CCDC102B: variants seen among roughly 807,000 people sequenced by gnomAD.
The protein encoded by CCDC102B is coiled-coil domain-containing protein 102B.
Under a neutral mutation model 57.4 loss-of-function variants are expected in CCDC102B, and 75 were observed. The ratio of observed to expected loss-of-function variants is 1.31; its 90% CI spans 1.08 to 1.58. The LOEUF (loss-of-function observed/expected upper bound fraction) is 1.58, where lower values mean the gene tolerates loss of function less well. Ranked by LOEUF, CCDC102B falls within the 40% of genes most tolerant of loss-of-function variation. The probability of loss-of-function intolerance (pLI) is 0.00; values close to 1 mark genes in which losing one functional copy is unlikely to be tolerated. For synonymous variants in CCDC102B, 206 were observed against 201.9 expected, an observed-to-expected ratio of 1.02 and a Z score of -0.17; for missense variants, 636 against 582.6, an observed-to-expected ratio of 1.09 and a Z score of -0.94.
At chr18:69,001,128 C>T (rs1442085575) in intron 6 of CCDC102B, among the ~76,000 whole-genome samples, 1 of 152,100 alleles carries the variant, frequency 6.6e-6, no homozygotes, top group Non-Finnish European at 1.5e-5. Context: ...GCTATTTCTG[C>T]CCAGAGAGAC....
At chr18:69,000,246 A>T (rs931461436) in intron 6 of CCDC102B, among the ~76,000 whole-genome samples, 1 of 152,238 alleles carries the variant, frequency 6.6e-6, no homozygotes, top group Admixed American at 6.5e-5. Flanking sequence ...TTTATCAGAC[A>T]TTAAAAAAAT....
In CCDC102B at chr18:68,993,906, A is replaced by G. The variant is rs561425763; in HGVS notation, c.1264-17028A>G. 5.9e-5 allele frequency among the ~76,000 whole-genome samples: 9 copies of G among 152,344 alleles called. No homozygotes were observed. In the South Asian group the frequency reaches 1.9e-3, roughly 32 times the overall value. ...ACTTACCTTCCCATAGTGTACGCCT[A>G]CACTGTGGTTGGTATCTGCTTAAAT... On this transcript the variant is annotated intron_variant, in intron 6 of 7. Coordinates refer to ENST00000360242, the MANE Select transcript of CCDC102B (RefSeq NM_024781.3).
chr18:69,011,486 ATAT>A (rs2051516514), intron 7 of CCDC102B, among the ~76,000 whole-genome samples: 1 of 151,738 alleles, frequency 6.6e-6, no homozygotes, highest in Non-Finnish European at 1.5e-5. Flanking sequence ...TATTTATTAT[ATAT>A]TTTCAGTGTT....
intron 5 of CCDC102B, among the ~76,000 whole-genome samples, chr18:68,889,465 G>A (rs1599640264): frequency 1.3e-5 from 2 of 152,108 alleles, no homozygotes; most frequent in East Asian, 3.8e-4. Flanking sequence ...TGTTGTCCAG[G>A]CTGGAGTGCA....
intron 2 of CCDC102B, chr18:68,753,862 A>G (rs2033951866): frequency 6.6e-6 from 1 of 152,162 alleles, no homozygotes; most frequent in South Asian, 2.1e-4. Flanking sequence ...ACACCCATCC[A>G]GTATTATCTT....
intron 7 of CCDC102B, among the ~76,000 whole-genome samples, chr18:69,015,002 T>TGTGTGTGTGTGTGTGTGTGTGTGA (rs1568126429): frequency 8.7e-5 from 13 of 150,150 alleles, no homozygotes; most frequent in Non-Finnish European, 1.6e-4. Flanking sequence ...TGTGTGTGTG[T>TGTGTGTGTGTGTGTGTGTGTGTGA]GAAAGAGAAA....
At chr18:68,797,804 C>T (rs79786179), upstream of CCDC102B, among the ~76,000 whole-genome samples, 3 of 127,616 alleles carry the variant, frequency 2.4e-5, no homozygotes, top group South Asian at 2.6e-4. Flanking sequence ...ATTATTATTA[C>T]AAGTTATACT....
intron 1 of CCDC102B, among the ~76,000 whole-genome samples, chr18:68,831,922 A>G (rs2037157653): frequency 6.6e-6 from 1 of 152,174 alleles, no homozygotes; most frequent in South Asian, 2.1e-4. Context: ...ATTTTATAAT[A>G]CAATAAAGTG....
chr18:68,745,723 C>T (rs1179662767), intron 2 of CCDC102B, among the ~76,000 whole-genome samples: 2 of 152,118 alleles, frequency 1.3e-5, no homozygotes, highest in Non-Finnish European at 2.9e-5. Context: ...TATTAACCTA[C>T]CTCCCTTCAT....
intron 2 of CCDC102B, among the ~76,000 whole-genome samples, chr18:68,779,467 A>G (rs1306028338): frequency 6.6e-6 from 1 of 152,148 alleles, no homozygotes; most frequent in Non-Finnish European, 1.5e-5. Flanking sequence ...GAAAATAATA[A>G]AGATTCATTT....
At chr18:68,796,526 A>G (rs2035633970), upstream of CCDC102B, among the ~76,000 whole-genome samples, 1 of 152,148 alleles carries the variant, frequency 6.6e-6, no homozygotes, top group Non-Finnish European at 1.5e-5. Context: ...GGAGTCATCT[A>G]AAAAGAAAGA....
In CCDC102B at chr18:68,876,011, AG is replaced by A. The variant is rs574423827; in HGVS notation, c.1053+1229del. Among the ~76,000 whole-genome samples, 7 of 152,280 alleles carry A rather than the reference AG, an allele frequency of 4.6e-5. No individual in the cohort carries two copies. In the South Asian group the frequency reaches 1.5e-3, roughly 32 times the overall value. ...TTGAATACAAATCTTCCTAAGTCAA[AG>A]GGAAAAATTGGTGGCTTTCATAACT... On this transcript the variant is annotated intron_variant, in intron 5 of 7. Coordinates refer to ENST00000360242, the MANE Select transcript of CCDC102B (RefSeq NM_024781.3).
chr18:68,824,544 G>A (rs1445359065), intron 1 of CCDC102B, among the ~76,000 whole-genome samples: 1 of 152,166 alleles, frequency 6.6e-6, no homozygotes. Flanking sequence ...GTACTATGTT[G>A]AACAGGAGTG....
At chr18:68,941,324 T>C (rs148483225) in intron 6 of CCDC102B, among the ~76,000 whole-genome samples, 3 of 152,034 alleles carry the variant, frequency 2.0e-5, no homozygotes, top group Non-Finnish European at 4.4e-5. Context: ...AGGTAAATCA[T>C]AGCACAATTT....
At chr18:69,039,074 C>G (rs1457928576) in intron 7 of CCDC102B, among the ~76,000 whole-genome samples, 1 of 151,950 alleles carries the variant, frequency 6.6e-6, no homozygotes, top group Non-Finnish European at 1.5e-5. Flanking sequence ...GGTTCCTGTG[C>G]TTACCACGTT....
chr18:68,897,661 C>A, intron 6 of CCDC102B: 1 of 1,435,884 alleles, frequency 7.0e-7, no homozygotes, highest in Non-Finnish European at 9.2e-7. Flanking sequence ...TCAAGATTTC[C>A]AAAAGGAAGA....
chr18:68,763,895 C>T (rs752374644), intron 2 of CCDC102B, among the ~76,000 whole-genome samples: 1 of 152,028 alleles, frequency 6.6e-6, no homozygotes, highest in African/African-American at 2.4e-5. Flanking sequence ...CCCCCATCAT[C>T]ATATAATAAT....
intron 7 of CCDC102B, among the ~76,000 whole-genome samples, chr18:69,043,374 A>G (rs1180392164): frequency 4.6e-5 from 7 of 151,994 alleles, no homozygotes; most frequent in Non-Finnish European, 7.4e-5. Flanking sequence ...TTCCTCTTAT[A>G]CTAATCCTCC....
At chr18:68,727,875 C>T (rs1316690478) in intron 2 of CCDC102B, among the ~76,000 whole-genome samples, 1 of 152,186 alleles carries the variant, frequency 6.6e-6, no homozygotes, top group East Asian at 1.9e-4. Context: ...TGCATATTGA[C>T]TCTTGGACTG....
Sources: allele counts gnomAD v4.1 joint callset (sites outside exome capture counted in the v4.1 genomes callset), GRCh38; gene constraint gnomAD v4.1.1; transcripts MANE v1.5; gene names NCBI Gene and HGNC (gene_info 2026-07-23, HGNC 2026-07-21).